The following TGFBR3 variants were observed in gnomAD, a reference collection of about 807,000 sequenced individuals.
The protein encoded by TGFBR3 is transforming growth factor beta receptor type 3.
In TGFBR3, 46 loss-of-function variants were observed where a neutral mutation model predicts 87.9. The ratio of observed to expected loss-of-function variants is 0.52; its 90% CI spans 0.41 to 0.67. The LOEUF is 0.67. TGFBR3 is among the 30% of genes least tolerant of loss of function. TGFBR3 has a pLI of 0.00. For synonymous variants in TGFBR3, 381 were observed against 391.6 expected, an observed-to-expected ratio of 0.97 and a Z score of 0.32; for missense variants, 866 against 1,041.9, an observed-to-expected ratio of 0.83 and a Z score of 2.32.
chr1:91,796,696 C>T (rs1431495100), intron 3 of TGFBR3, among the ~76,000 whole-genome samples: 1 of 152,128 alleles, frequency 6.6e-6, no homozygotes, highest in African/African-American at 2.4e-5. Flanking sequence ...TTTGGTTTCT[C>T]ACAATCATGT....
chr1:91,822,390 AG>A (rs1432467795), intron 2 of TGFBR3, among the ~76,000 whole-genome samples: 2 of 151,782 alleles, frequency 1.3e-5, no homozygotes, highest in Admixed American at 6.6e-5. Context: ...CTTTTAGAAC[AG>A]AAGATCAAGT....
chr1:91,905,643 G>C (rs778608554), intron 1 of TGFBR3, among the ~76,000 whole-genome samples: 1 of 151,856 alleles, frequency 6.6e-6, no homozygotes, highest in Non-Finnish European at 1.5e-5. Context: ...TGATCCACCC[G>C]CCTCGGCCTC....
At chr1:91,883,208 G>A (rs2245653) in intron 1 of TGFBR3, among the ~76,000 whole-genome samples, 139,484 of 152,170 alleles carry the variant, frequency 0.92, 64,628 homozygotes, top group Non-Finnish European at 0.99. Context: ...GTCTCACTAT[G>A]TTACCCAGGC....
At chr1:91,826,962 T>A (rs1292440473) in intron 2 of TGFBR3, among the ~76,000 whole-genome samples, 2 of 152,124 alleles carry the variant, frequency 1.3e-5, no homozygotes, top group African/African-American at 4.8e-5. Flanking sequence ...CCCCAAACAT[T>A]TTTAAAAGCA....
At chr1:91,772,305 A>G (rs1021280961) in intron 3 of TGFBR3, among the ~76,000 whole-genome samples, 14 of 152,226 alleles carry the variant, frequency 9.2e-5, no homozygotes, top group African/African-American at 2.9e-4. Context: ...AAAAGAAAAC[A>G]TATCATTCAT....
At chr1:91,840,095 A>T (rs143029713) in intron 2 of TGFBR3, among the ~76,000 whole-genome samples, 1 of 151,904 alleles carries the variant, frequency 6.6e-6, no homozygotes, top group Non-Finnish European at 1.5e-5. Context: ...GGATCACCTG[A>T]GGTCAAGAGT....
At chr1:91,814,007 T>C (rs944547576) in intron 2 of TGFBR3, among the ~76,000 whole-genome samples, 3 of 152,218 alleles carry the variant, frequency 2.0e-5, no homozygotes, top group Admixed American at 6.5e-5. Context: ...TAATGCTCAC[T>C]CACCCGCTGC....
intron 2 of TGFBR3, among the ~76,000 whole-genome samples, chr1:91,833,830 C>A (rs1007140837): frequency 6.6e-6 from 1 of 150,542 alleles, no homozygotes; most frequent in Non-Finnish European, 1.5e-5. Flanking sequence ...CAAGGAATAT[C>A]CCAGTGAGAT....
chr1:91,743,814 C>A (rs1157038285), intron 4 of TGFBR3, among the ~76,000 whole-genome samples: 2 of 152,252 alleles, frequency 1.3e-5, no homozygotes, highest in Admixed American at 1.3e-4. Flanking sequence ...ATGCCATGAG[C>A]AACCACGTGT....
intron 4 of TGFBR3, among the ~76,000 whole-genome samples, chr1:91,747,722 G>A (rs1235344797): frequency 6.6e-6 from 1 of 152,170 alleles, no homozygotes; most frequent in African/African-American, 2.4e-5. Context: ...ATAATCAGGT[G>A]GCACTAAGGA....
intron 1 of TGFBR3, among the ~76,000 whole-genome samples, chr1:91,866,008 CT>C (rs1281924411): frequency 1.3e-5 from 2 of 152,148 alleles, no homozygotes; most frequent in African/African-American, 4.8e-5. Context: ...CAGAGATCCC[CT>C]GGGTTTATTT....
intron 1 of TGFBR3, among the ~76,000 whole-genome samples, chr1:91,868,071 C>T (rs997162383): frequency 3.9e-5 from 6 of 152,184 alleles, no homozygotes; most frequent in Admixed American, 3.9e-4. Flanking sequence ...GCATGTGCCA[C>T]CACGCCTGGC....
At chr1:91,770,614 A>G (rs2100930974) in intron 3 of TGFBR3, among the ~76,000 whole-genome samples, 1 of 152,342 alleles carries the variant, frequency 6.6e-6, no homozygotes, top group African/African-American at 2.4e-5. Flanking sequence ...AGAAACTCAA[A>G]TTGGTCTACC....
chr1:91,851,082 T>G (rs1571572202), intron 2 of TGFBR3, among the ~76,000 whole-genome samples: 2 of 152,326 alleles, frequency 1.3e-5, no homozygotes, highest in South Asian at 4.1e-4. Flanking sequence ...TTAAAATAAT[T>G]TTTTAAATCA....
intron 1 of TGFBR3, chr1:91,863,778 A>G (rs1341481693): frequency 1.3e-5 from 2 of 152,230 alleles, no homozygotes; most frequent in African/African-American, 4.8e-5. Flanking sequence ...GTCTTGTCTC[A>G]AAAGCTGACT....
rs45557532 is a variant in TGFBR3 at position 91,719,877 on chromosome 1, A to G, written c.1413+16T>C. The G allele has an allele frequency of 3.1e-6, 5 of 1,613,522 alleles. No individual in the cohort carries two copies. The East Asian group carries it at 1.1e-4, about 36-fold the overall frequency. On this transcript the variant is annotated intron_variant, in intron 9 of 16. Coordinates refer to ENST00000212355, the MANE Select transcript of TGFBR3 (RefSeq NM_003243.5). Reference sequence around the variant, plus strand: ...GGAGGTAGCCTCTCTTCCCTCCTGTAATCAGCTGCACCGACCTGAAAAGAA... The same window carrying G: ...GGAGGTAGCCTCTCTTCCCTCCTGTGATCAGCTGCACCGACCTGAAAAGAA...
upstream of TGFBR3, among the ~76,000 whole-genome samples, chr1:91,889,436 C>CT (rs909164612): frequency 3.3e-5 from 5 of 151,922 alleles, no homozygotes; most frequent in East Asian, 1.9e-4. Context: ...TAAAAGGGCT[C>CT]TTTTTTTTAA....
chr1:91,829,146 T>C (rs2489169), intron 2 of TGFBR3, among the ~76,000 whole-genome samples: 19,045 of 151,468 alleles, frequency 0.13, 1,508 homozygotes, highest in East Asian at 0.38. Flanking sequence ...GAGGGTGAGG[T>C]GGGCAGATCA....
rs780124678 is a variant in TGFBR3, at chr1:91,712,536, C to T, written c.1873G>A (p.Val625Ile). The T allele has an allele frequency of 3.1e-6, 5 of 1,613,996 alleles. No individual in the cohort carries two copies. Among genetic ancestry groups the T allele is most frequent in the African/African-American group, 1.3e-5 (1 of 74,924 alleles). ...CCCAGTTCTTGTTCAGCCTTAGTAA[C>T]AGATACCTATGAAAGAACAGAAAGA... ...ENGHVYVEVSVTKAEQELGFA... is the reference protein window; with the variant it reads ...ENGHVYVEVSITKAEQELGFA... The change falls in exon 13 of 17, where the codon GTT (valine) becomes ATT (isoleucine). Residue 625 changes from valine to isoleucine, a missense_variant. By Grantham distance (29) the Val-to-Ile change is conservative (BLOSUM62 3). Coordinates refer to ENST00000212355, the MANE Select transcript of TGFBR3 (RefSeq NM_003243.5).
Sources: allele counts gnomAD v4.1 joint callset (sites outside exome capture counted in the v4.1 genomes callset), GRCh38; gene constraint gnomAD v4.1.1; transcripts MANE v1.5; gene names NCBI Gene and HGNC (gene_info 2026-07-23, HGNC 2026-07-21).